The following TENM3 variants were observed in gnomAD, a reference collection of about 807,000 sequenced individuals.
TENM3 encodes teneurin transmembrane protein 3, also known as teneurin-3.
Under a neutral mutation model 255.1 loss-of-function variants are expected in TENM3, and 63 were observed. The observed-to-expected ratio is 0.25, with a 90% CI of 0.20 to 0.30. TENM3 has a LOEUF of 0.30. Ranked by LOEUF, TENM3 falls within the 10% of genes least tolerant of loss-of-function variation. The pLI is 1.00. For synonymous variants in TENM3, 1,306 were observed against 1,322.3 expected, an observed-to-expected ratio of 0.99 and a Z score of 0.27; for missense variants, 2,929 against 3,461.1, an observed-to-expected ratio of 0.85 and a Z score of 3.86.
At chr4:181,500,433 G>A in the TENM3 span, among the ~76,000 whole-genome samples, 1 of 152,108 alleles carries the variant, frequency 6.6e-6, no homozygotes, top group Non-Finnish European at 1.5e-5. Context: ...CAAAAAATAT[G>A]CTCTTTCAAG....
intron 12 of TENM3, among the ~76,000 whole-genome samples, chr4:182,706,204 G>GT (rs1758269723): frequency 6.6e-6 from 1 of 152,092 alleles, no homozygotes; most frequent in African/African-American, 2.4e-5. Context: ...TTTAGAATAT[G>GT]GATTTTGGTG....
chr4:182,488,827 T>G (rs1273318239), intron 3 of TENM3, among the ~76,000 whole-genome samples: 1 of 152,062 alleles, frequency 6.6e-6, no homozygotes, highest in Non-Finnish European at 1.5e-5. Flanking sequence ...CAGAACGCAT[T>G]AGTAATTTAA....
intron 3 of TENM3, among the ~76,000 whole-genome samples, chr4:182,563,286 C>T (rs557598512): frequency 1.3e-4 from 20 of 152,142 alleles, no homozygotes; most frequent in African/African-American, 4.6e-4. Flanking sequence ...AAAAATTAGC[C>T]AGGTATGATG....
chr4:182,257,162 A>T (rs1758456389), intron 1 of TENM3, among the ~76,000 whole-genome samples: 1 of 152,154 alleles, frequency 6.6e-6, no homozygotes, highest in South Asian at 2.1e-4. Flanking sequence ...AATTTCATAG[A>T]TCTGGGGTGG....
intron 3 of TENM3, among the ~76,000 whole-genome samples, chr4:182,572,773 A>C (rs1744526046): frequency 6.6e-6 from 1 of 152,218 alleles, no homozygotes; most frequent in Admixed American, 6.5e-5. Context: ...GCTTGAATTC[A>C]CGTACCAACT....
chr4:182,007,278 T>C, the TENM3 span, among the ~76,000 whole-genome samples: 6 of 152,158 alleles, frequency 3.9e-5, no homozygotes, highest in African/African-American at 1.2e-4. Context: ...GTCCTGAATA[T>C]CCTTGTTAAT....
At chr4:182,275,794 G>T (rs950299460) in intron 1 of TENM3, among the ~76,000 whole-genome samples, 1 of 151,990 alleles carries the variant, frequency 6.6e-6, no homozygotes, top group African/African-American at 2.4e-5. Flanking sequence ...GAAATTAACT[G>T]GGCATGGTGC....
At chr4:182,239,257 T>A (rs985171728), upstream of TENM3, among the ~76,000 whole-genome samples, 7 of 151,974 alleles carry the variant, frequency 4.6e-5, no homozygotes, top group Admixed American at 1.3e-4. Context: ...TTTGTATTTT[T>A]AGTAAAGATG....
chr4:182,726,618 T>C (rs191358233), intron 13 of TENM3, among the ~76,000 whole-genome samples: 2 of 152,272 alleles, frequency 1.3e-5, no homozygotes, highest in Non-Finnish European at 2.9e-5. Flanking sequence ...GGGAAGGTTA[T>C]GCACATGGCC....
chr4:182,567,915 G>A (rs1743959646), intron 3 of TENM3, among the ~76,000 whole-genome samples: 2 of 151,400 alleles, frequency 1.3e-5, no homozygotes, highest in South Asian at 4.2e-4. Context: ...ACAGTGCCTG[G>A]CACATGCATA....
chr4:181,717,386 T>C, the TENM3 span, among the ~76,000 whole-genome samples: 1 of 152,380 alleles, frequency 6.6e-6, no homozygotes, highest in African/African-American at 2.4e-5. Flanking sequence ...TTTCTTTTAT[T>C]CTATACATAA....
chr4:181,465,313 T>C, the TENM3 span, among the ~76,000 whole-genome samples: 5 of 149,652 alleles, frequency 3.3e-5, no homozygotes, highest in Non-Finnish European at 6.0e-5. Flanking sequence ...AATACATATT[T>C]ATTTTTTCAT....
chr4:181,507,932 AT>A, the TENM3 span, among the ~76,000 whole-genome samples: 26 of 152,214 alleles, frequency 1.7e-4, no homozygotes, highest in Non-Finnish European at 3.5e-4. Flanking sequence ...GGCGATTAAA[AT>A]CTGCTTTTGT....
intron 4 of TENM3, among the ~76,000 whole-genome samples, chr4:182,615,953 A>G (rs542837498): frequency 1.3e-5 from 2 of 152,218 alleles, no homozygotes; most frequent in Non-Finnish European, 2.9e-5. Flanking sequence ...TAAGAAACTG[A>G]TATCCTAATA....
At chr4:181,718,931 G>A in the TENM3 span, among the ~76,000 whole-genome samples, 3 of 152,284 alleles carry the variant, frequency 2.0e-5, no homozygotes, top group Admixed American at 6.5e-5. Context: ...AATGGGCCGG[G>A]CGCGGCGGCT....
At chr4:182,759,783 G>A (rs1762997107) in intron 22 of TENM3, among the ~76,000 whole-genome samples, 1 of 152,148 alleles carries the variant, frequency 6.6e-6, no homozygotes, top group Admixed American at 6.5e-5. Context: ...GTGATTCTTC[G>A]GGGTACACAG....
At chr4:181,732,226 T>C in the TENM3 span, among the ~76,000 whole-genome samples, 1 of 152,158 alleles carries the variant, frequency 6.6e-6, no homozygotes, top group East Asian at 1.9e-4. Flanking sequence ...GAAGGATAGA[T>C]GCATGGTAGA....
chr4:181,862,869 A>G, the TENM3 span, among the ~76,000 whole-genome samples: 4 of 152,148 alleles, frequency 2.6e-5, no homozygotes, highest in African/African-American at 7.2e-5. Context: ...TTTTTTATAA[A>G]ATAGTCTATC....
At chr4:182,282,894 GAA>G (rs35385277) in intron 1 of TENM3, among the ~76,000 whole-genome samples, 93 of 70,914 alleles carry the variant, frequency 1.3e-3, no homozygotes, top group Non-Finnish European at 1.7e-3. Context: ...CTCCATTTCA[GAA>G]AAAAAAAAAA....
Sources: allele counts gnomAD v4.1 joint callset (sites outside exome capture counted in the v4.1 genomes callset), GRCh38; gene constraint gnomAD v4.1.1; transcripts MANE v1.5; gene names NCBI Gene and HGNC (gene_info 2026-07-23, HGNC 2026-07-21).